Variants in LPP observed in about 807,000 individuals in gnomAD.
LPP encodes LIM domain containing preferred translocation partner in lipoma.
LPP carries 38 observed loss-of-function variants against 60.4 expected under a neutral mutation model. That is an observed-to-expected ratio of 0.63 (90% CI 0.49 to 0.83). LPP has a LOEUF of 0.83. LPP is among the 40% of genes least tolerant of loss of function. LPP has a pLI of 0.00. For synonymous variants in LPP, 328 were observed against 290.8 expected (o/e 1.13, Z -1.30); for missense variants, 902 against 783.6 (o/e 1.15, Z -1.80).
At position 188,701,988 on chromosome 3, in the gene LPP, C is replaced by T. The variant is rs186460152; in HGVS notation, c.1114-6279C>T. The stretch of plus-strand genomic sequence containing the variant: ...TTTTTGAGACAGAGTCTCGCTCTGT[C>T]GCCCAGGCTGGAATGCAATGATGTG... On this transcript the variant is annotated intron_variant, in intron 7 of 11. Transcript: ENST00000617246. Among the ~76,000 whole-genome samples the T allele has an allele frequency of 1.1e-3, 131 of 122,640 alleles. 2 individuals are homozygous for T. Among genetic ancestry groups the T allele is most frequent in the Admixed American group, 2.7e-3 (25 of 9,246 alleles). The allele number at this position is 122,640 out of a possible 152,430, so 80.5% of individuals were successfully genotyped here. A position where few individuals can be genotyped will look rare whatever the true frequency, so the allele number is the denominator to read the frequency against.
chr3:188,264,646 T>C (rs1204435336), intron 2 of LPP, among the ~76,000 whole-genome samples: 1 of 152,124 alleles, frequency 6.6e-6, no homozygotes, highest in African/African-American at 2.4e-5. Context: ...AATAACTCTC[T>C]GGAGAGAAAG....
chr3:188,191,979 G>C (rs547808101), intron 1 of LPP, among the ~76,000 whole-genome samples: 1 of 152,122 alleles, frequency 6.6e-6, no homozygotes, highest in Non-Finnish European at 1.5e-5. Flanking sequence ...GGTTCCTAGG[G>C]GGGGATTGGG....
At chr3:188,839,906 A>C (rs764088121) in intron 9 of LPP, among the ~76,000 whole-genome samples, 29 of 152,170 alleles carry the variant, frequency 1.9e-4, no homozygotes, top group African/African-American at 5.8e-4. Flanking sequence ...ATTAAATTAA[A>C]TTTAAAAAAG....
At chr3:188,233,366 A>C (rs1219567048) in intron 2 of LPP, among the ~76,000 whole-genome samples, 1 of 152,148 alleles carries the variant, frequency 6.6e-6, no homozygotes, top group Non-Finnish European at 1.5e-5. Context: ...CAACCTCTTC[A>C]TCTGTAAATG....
At chr3:188,837,382 C>CATAATAATAATAATA (rs57174980) in intron 9 of LPP, among the ~76,000 whole-genome samples, 91 of 140,382 alleles carry the variant, frequency 6.5e-4, no homozygotes, top group Non-Finnish European at 9.5e-4. Context: ...CCATCTCAAA[C>CATAATAATAATAATA]ATAATAATAA....
chr3:188,249,115 C>G (rs1320208871), intron 2 of LPP, among the ~76,000 whole-genome samples: 1 of 151,994 alleles, frequency 6.6e-6, no homozygotes, highest in Non-Finnish European at 1.5e-5. Context: ...TAGCCAGGTG[C>G]TATTTTAATT....
intron 4 of LPP, among the ~76,000 whole-genome samples, chr3:188,451,715 T>C (rs1796625877): frequency 6.6e-6 from 1 of 152,114 alleles, no homozygotes; most frequent in African/African-American, 2.4e-5. Context: ...TTGATGCAGG[T>C]GTCTTTTGGG....
intron 2 of LPP, among the ~76,000 whole-genome samples, chr3:188,316,538 T>G (rs1461272435): frequency 6.6e-6 from 1 of 152,170 alleles, no homozygotes; most frequent in Non-Finnish European, 1.5e-5. Context: ...ATGCCCATGA[T>G]GTTTGTGACC....
At chr3:188,246,275 T>C (rs1378353098) in intron 2 of LPP, among the ~76,000 whole-genome samples, 1 of 152,178 alleles carries the variant, frequency 6.6e-6, no homozygotes, top group Non-Finnish European at 1.5e-5. Flanking sequence ...ATTTCTTTGG[T>C]CTACCCTTCA....
At chr3:188,298,684 C>T (rs1748731679) in intron 2 of LPP, among the ~76,000 whole-genome samples, 1 of 152,174 alleles carries the variant, frequency 6.6e-6, no homozygotes, top group African/African-American at 2.4e-5. Context: ...ATGAAAAAGA[C>T]ACACTCAGGG....
At chr3:188,600,268 A>G (rs1840861953) in intron 6 of LPP, among the ~76,000 whole-genome samples, 2 of 148,836 alleles carry the variant, frequency 1.3e-5, no homozygotes, top group African/African-American at 4.9e-5. Flanking sequence ...AATATATACT[A>G]TGCCTATATA....
chr3:188,405,002 T>C (rs965698432), intron 3 of LPP, among the ~76,000 whole-genome samples: 3 of 152,168 alleles, frequency 2.0e-5, no homozygotes, highest in South Asian at 4.1e-4. Context: ...TGCAATCTGA[T>C]CAGAGCAGCA....
chr3:188,503,096 A>G (rs1812389762), intron 5 of LPP, among the ~76,000 whole-genome samples: 2 of 151,814 alleles, frequency 1.3e-5, no homozygotes, highest in South Asian at 4.1e-4. Context: ...GATTTTTTGT[A>G]GTAAAATATT....
At chr3:188,760,414 G>GTGTGTGTT in intron 9 of LPP, 132 bp downstream of exon 9, 1 of 672,580 alleles carries the variant, frequency 1.5e-6, no homozygotes, top group Non-Finnish European at 2.5e-6. Context: ...TGTGGGGTGT[G>GTGTGTGTT]TGTGTGTGTG....
chr3:188,701,126 C>T (rs2149587823), intron 7 of LPP, among the ~76,000 whole-genome samples: 1 of 152,220 alleles, frequency 6.6e-6, no homozygotes, highest in East Asian at 1.9e-4. Flanking sequence ...ATGACAGATA[C>T]TGTTATGTAT....
chr3:188,185,330 C>T (rs1349167868), intron 1 of LPP, among the ~76,000 whole-genome samples: 1 of 152,026 alleles, frequency 6.6e-6, no homozygotes, highest in Non-Finnish European at 1.5e-5. Flanking sequence ...AGAGAATATC[C>T]ACTGAGTCCA....
chr3:188,855,686 G>A (rs7618954), intron 9 of LPP, among the ~76,000 whole-genome samples: 2 of 152,116 alleles, frequency 1.3e-5, no homozygotes, highest in Admixed American at 1.3e-4. Flanking sequence ...GTGATGCTTT[G>A]AACAAGACAA....
chr3:188,406,587 G>A (rs967596998), intron 4 of LPP, among the ~76,000 whole-genome samples: 1 of 152,176 alleles, frequency 6.6e-6, no homozygotes, highest in African/African-American at 2.4e-5. Context: ...ACAGCTCAAT[G>A]CCTTTCTACT....
chr3:188,734,909 G>C (rs1177156959), intron 8 of LPP, among the ~76,000 whole-genome samples: 1 of 152,302 alleles, frequency 6.6e-6, no homozygotes, highest in South Asian at 2.1e-4. Flanking sequence ...GGAGACACTC[G>C]GTGTCACCCC....
Sources: allele counts gnomAD v4.1 joint callset (sites outside exome capture counted in the v4.1 genomes callset), GRCh38; gene constraint gnomAD v4.1.1; transcripts MANE v1.5; gene names NCBI Gene and HGNC (gene_info 2026-07-23, HGNC 2026-07-21).